LRRIQ3: variants seen among roughly 807,000 people sequenced by gnomAD.
LRRIQ3 encodes the protein leucine rich repeats and IQ motif containing 3.
Under a neutral mutation model 59.3 loss-of-function variants are expected in LRRIQ3, and 75 were observed. That is an observed-to-expected ratio of 1.26 (90% CI 1.05 to 1.53). LRRIQ3 has a LOEUF of 1.53. LRRIQ3 is among the 40% of genes most tolerant of loss of function. The pLI is 0.00. For synonymous variants in LRRIQ3, 250 were observed against 231.3 expected, an observed-to-expected ratio of 1.08 and a Z score of -0.73; for missense variants, 831 against 710.0, an observed-to-expected ratio of 1.17 and a Z score of -1.94.
chr1:74,108,465 T>G (rs1319173491), intron 5 of LRRIQ3, among the ~76,000 whole-genome samples: 1 of 151,780 alleles, frequency 6.6e-6, no homozygotes, highest in African/African-American at 2.4e-5. Context: ...TTCACACGAT[T>G]TAAGGAGTTG....
chr1:74,124,758 A>G lies in LRRIQ3; in HGVS notation c.708-15205T>C, dbSNP rs182382944. 2.6e-3 allele frequency among the ~76,000 whole-genome samples: 395 copies of G among 151,932 alleles called. 1 individual carries two copies. The highest frequency in any genetic ancestry group is 3.9e-3 in the Non-Finnish European group (264 of 67,860). On this transcript the variant is annotated intron_variant, in intron 4 of 7. Coordinates refer to ENST00000354431, the MANE Select transcript of LRRIQ3 (RefSeq NM_001105659.2). ...ACAGTCCTATGTTGTTTTGGTTACT[A>G]TATCTCTGTAGTATAATTTGAAGTC...
intron 7 of LRRIQ3, among the ~76,000 whole-genome samples, chr1:74,027,495 T>A (rs938107785): frequency 1.3e-5 from 2 of 152,012 alleles, no homozygotes; most frequent in African/African-American, 4.8e-5. Flanking sequence ...AGAAAGGCCA[T>A]GGGAGGACAC....
intron 7 of LRRIQ3, among the ~76,000 whole-genome samples, chr1:74,028,163 A>G (rs987703592): frequency 6.6e-6 from 1 of 152,018 alleles, no homozygotes; most frequent in Non-Finnish European, 1.5e-5. Flanking sequence ...ACAGTCTGGG[A>G]AGGAGAACAA....
At chr1:74,054,473 G>A (rs1654462683) in intron 6 of LRRIQ3, among the ~76,000 whole-genome samples, 1 of 151,910 alleles carries the variant, frequency 6.6e-6, no homozygotes, top group African/African-American at 2.4e-5. Context: ...ATCATTGTAC[G>A]TTTTTCAAAA....
chr1:74,168,070 G>A (rs1034739914), intron 3 of LRRIQ3, among the ~76,000 whole-genome samples: 5 of 151,826 alleles, frequency 3.3e-5, no homozygotes, highest in Admixed American at 1.3e-4. Context: ...GTTGTTGGGT[G>A]GTGTTCTATA....
At chr1:74,065,995 T>C (rs992424797) in intron 6 of LRRIQ3, among the ~76,000 whole-genome samples, 18 of 152,020 alleles carry the variant, frequency 1.2e-4, no homozygotes, top group Admixed American at 2.0e-4. Flanking sequence ...GAGACCAACC[T>C]GACCAACATA....
intron 5 of LRRIQ3, among the ~76,000 whole-genome samples, chr1:74,085,296 C>T (rs868191292): frequency 2.4e-4 from 34 of 143,708 alleles, no homozygotes; most frequent in South Asian, 8.8e-4. Flanking sequence ...ATCCTATGTG[C>T]GTATCACTAT....
chr1:74,194,383 C>A (rs1570293863), intron 1 of LRRIQ3, among the ~76,000 whole-genome samples: 1 of 152,000 alleles, frequency 6.6e-6, no homozygotes. Context: ...ATATAAATAA[C>A]CTTGGTAGCA....
intron 4 of LRRIQ3, among the ~76,000 whole-genome samples, chr1:74,148,938 C>T (rs1210971464): frequency 6.6e-6 from 1 of 152,104 alleles, no homozygotes; most frequent in African/African-American, 2.4e-5. Flanking sequence ...AACATGGTTC[C>T]AGGCAAAAGG....
chr1:74,117,178 A>G (rs1646788901), intron 4 of LRRIQ3, among the ~76,000 whole-genome samples: 1 of 152,152 alleles, frequency 6.6e-6, no homozygotes, highest in Admixed American at 6.6e-5. Flanking sequence ...TTTCCAGGTA[A>G]CTTTGGCAAT....
At chr1:74,074,864 T>A (rs1054725450) in intron 5 of LRRIQ3, 74 bp from the exon 6 acceptor site, 1 of 692,232 alleles carries the variant, frequency 1.4e-6, no homozygotes, top group African/African-American at 1.9e-5. Context: ...GGTTTTCACA[T>A]GAATTACATT....
chr1:74,060,276 T>C (rs1001141607), intron 6 of LRRIQ3, among the ~76,000 whole-genome samples: 10 of 147,714 alleles, frequency 6.8e-5, no homozygotes, highest in Admixed American at 6.1e-4. Context: ...CTTCTTTCTC[T>C]TCCTCCTCCT....
intron 4 of LRRIQ3, among the ~76,000 whole-genome samples, chr1:74,128,420 C>T (rs1186906905): frequency 6.6e-6 from 1 of 152,060 alleles, no homozygotes; most frequent in Non-Finnish European, 1.5e-5. Flanking sequence ...CATTTTTCAA[C>T]TCCAGAGTTT....
intron 4 of LRRIQ3, among the ~76,000 whole-genome samples, chr1:74,112,605 G>C (rs999062658): frequency 2.0e-5 from 3 of 152,098 alleles, no homozygotes; most frequent in African/African-American, 7.2e-5. Context: ...GGTTGACACT[G>C]GGTTTGATAC....
chr1:74,114,183 T>A (rs1232444244), intron 4 of LRRIQ3, among the ~76,000 whole-genome samples: 1 of 151,952 alleles, frequency 6.6e-6, no homozygotes, highest in African/African-American at 2.4e-5. Context: ...GAACTAAAAA[T>A]GATAAATAGA....
intron 1 of LRRIQ3, among the ~76,000 whole-genome samples, chr1:74,191,424 T>C (rs1650762089): frequency 6.6e-6 from 1 of 152,082 alleles, no homozygotes; most frequent in Non-Finnish European, 1.5e-5. Context: ...AGTTGAATAA[T>C]TTGTCCAAAA....
intron 7 of LRRIQ3, among the ~76,000 whole-genome samples, chr1:74,034,382 A>G (rs577587678): frequency 1.3e-5 from 2 of 152,110 alleles, no homozygotes; most frequent in East Asian, 3.9e-4. Context: ...TGTGCTCTGC[A>G]GGTTAATACT....
In LRRIQ3 at chr1:74,041,717, T is replaced by C. The variant is rs763404605; in HGVS notation, c.1214A>G (p.Lys405Arg). 6.2e-7 allele frequency: 1 copy of C among 1,613,664 alleles called. No homozygotes were observed. Among genetic ancestry groups the C allele is most frequent in the Non-Finnish European group, 8.5e-7 (1 of 1,179,780 alleles). The change falls in exon 7 of 8, where the codon AAA (lysine) becomes AGA (arginine). Residue 405 changes from lysine (K) to arginine (R), a missense_variant. By Grantham distance (26) the Lys-to-Arg change is conservative. Coordinates refer to ENST00000354431, the MANE Select transcript of LRRIQ3 (RefSeq NM_001105659.2). The part of the protein sequence containing the change: ...KKDIRLERSM[K>R]EFFAPQRAGM... Reference sequence around the variant, plus strand: ...AGCTCTTTGTGGTGCAAAAAACTCTTTCATACTCCGCTCCAATCGTATGTC... The same window carrying C: ...AGCTCTTTGTGGTGCAAAAAACTCTCTCATACTCCGCTCCAATCGTATGTC...
At chr1:74,029,629 T>A (rs1330491794) in intron 7 of LRRIQ3, among the ~76,000 whole-genome samples, 2 of 152,134 alleles carry the variant, frequency 1.3e-5, no homozygotes, top group Non-Finnish European at 2.9e-5. Flanking sequence ...TTTGCATCGA[T>A]GTTCACCAGG....
Sources: allele counts gnomAD v4.1 joint callset (sites outside exome capture counted in the v4.1 genomes callset), GRCh38; gene constraint gnomAD v4.1.1; transcripts MANE v1.5; gene names NCBI Gene and HGNC (gene_info 2026-07-23, HGNC 2026-07-21).